Variants in CDK5RAP2 observed in about 807,000 individuals in gnomAD.
The protein encoded by CDK5RAP2 is CDK5 regulatory subunit associated protein 2, also known as CDK5 regulatory subunit-associated protein 2.
A neutral mutation model predicts 232.9 loss-of-function variants in CDK5RAP2; 147 were observed. The ratio of observed to expected loss-of-function variants is 0.63; its 90% CI spans 0.55 to 0.72. CDK5RAP2 has a LOEUF of 0.72. Ranked by LOEUF, CDK5RAP2 falls within the 30% of genes least tolerant of loss-of-function variation. The probability of loss-of-function intolerance (pLI) is 0.00; values close to 1 mark genes in which losing one functional copy is unlikely to be tolerated. For synonymous variants in CDK5RAP2, 833 were observed against 833.7 expected (o/e 1.00, Z 0.01); for missense variants, 2,195 against 2,231.5 (o/e 0.98, Z 0.33).
At chr9:120,397,870 G>C (rs2032654731) in intron 35 of CDK5RAP2, among the ~76,000 whole-genome samples, 1 of 152,222 alleles carries the variant, frequency 6.6e-6, no homozygotes, top group Non-Finnish European at 1.5e-5. Context: ...GGCCTGAGAA[G>C]GTGAATTTTT....
At chr9:120,476,500 A>G (rs1434122175) in intron 15 of CDK5RAP2, among the ~76,000 whole-genome samples, 1 of 152,146 alleles carries the variant, frequency 6.6e-6, no homozygotes, top group Admixed American at 6.5e-5. Context: ...TAACATGGTG[A>G]AACACCATCT....
intron 4 of CDK5RAP2, 59 bp from the exon 5 acceptor site, chr9:120,545,849 C>A: frequency 7.5e-7 from 1 of 1,334,806 alleles, no homozygotes; most frequent in South Asian, 1.2e-5. Flanking sequence ...CTATGAATGT[C>A]AACAATGGGG....
chr9:120,443,604 G>A lies in CDK5RAP2; in HGVS notation c.3148+16C>T, dbSNP rs1394423946. ...ACATGGAAGCTGTTCAATACACACA[G>A]GGGCTGAATTCTGACCAATCTCGTA... On this transcript the variant is annotated intron_variant, in intron 23 of 37. Coordinates refer to ENST00000349780, the MANE Select transcript of CDK5RAP2 (RefSeq NM_018249.6). 5 of 1,613,794 alleles carry A rather than the reference G, an allele frequency of 3.1e-6. No individual in the cohort carries two copies. Among genetic ancestry groups the A allele is most frequent in the Non-Finnish European group, 4.2e-6 (5 of 1,179,860 alleles).
rs1414467945 is a variant in CDK5RAP2, at chr9:120,536,427, T to C, written c.607A>G (p.Lys203Glu). ...GCCAAGTCCCCCTCGTGCATCTTCT[T>C]CATCTCTGAAAGCTTGCTTTCCAAA... Reference protein sequence around the residue: ...LRLESKLSEMKKMHEGDLAMA... With the variant: ...LRLESKLSEMEKMHEGDLAMA... Residue 203 changes from lysine to glutamate, a missense_variant, in exon 7 of 38, where the codon AAG becomes GAG. Physicochemically the swap from Lys to Glu is moderately conservative, Grantham distance 56. Transcript: ENST00000349780. The C allele has an allele frequency of 1.9e-6, 3 of 1,614,092 alleles. No individual in the cohort carries two copies. The highest frequency in any genetic ancestry group is 2.5e-6 in the Non-Finnish European group (3 of 1,180,034).
chr9:120,454,027 A>G (rs1437154923), intron 20 of CDK5RAP2, among the ~76,000 whole-genome samples, 154 bp from the exon 21 acceptor site: 1 of 152,226 alleles, frequency 6.6e-6, no homozygotes, highest in East Asian at 1.9e-4. Context: ...GCCCACATCC[A>G]GTATTTTATC....
In CDK5RAP2 at chr9:120,579,946, G is replaced by A. The variant is rs140734649; in HGVS notation, c.33C>T (p.Thr11=). 3.7e-6 allele frequency: 6 copies of A among 1,613,312 alleles called. No homozygotes were observed. The highest frequency in any genetic ancestry group is 1.7e-5 in the Admixed American group (1 of 60,026). The part of the protein sequence containing the change: MMDLVLEEDV[T]VPGTLSGCSG... ...TGCAGCCGCTGAGCGTCCCAGGGACGGTGACGTCCTCTTCCAACACCAAGT... is the reference window on the plus strand; with the variant it reads ...TGCAGCCGCTGAGCGTCCCAGGGACAGTGACGTCCTCTTCCAACACCAAGT... The change falls in exon 1 of 38, where the codon ACC becomes ACT. Residue 11 remains threonine, a synonymous_variant. Coordinates refer to ENST00000349780, the MANE Select transcript of CDK5RAP2 (RefSeq NM_018249.6).
intron 16 of CDK5RAP2, among the ~76,000 whole-genome samples, chr9:120,470,484 T>A (rs771572663): frequency 1.3e-5 from 2 of 152,336 alleles, no homozygotes; most frequent in Non-Finnish European, 2.9e-5. Context: ...CTGTGAATTA[T>A]AATTTGCATA....
chr9:120,453,893 G>A lies in CDK5RAP2; in HGVS notation c.2376-20C>T. ...TCTGGCCTGTTTTTCCAAAAGGGAAGGAAGTGGGAGAACCAAGCTTTCTGC... is the reference window on the plus strand; with the variant it reads ...TCTGGCCTGTTTTTCCAAAAGGGAAAGAAGTGGGAGAACCAAGCTTTCTGC... On this transcript the variant is annotated intron_variant, in intron 20 of 37. Coordinates refer to ENST00000349780, the MANE Select transcript of CDK5RAP2 (RefSeq NM_018249.6). 1 of 1,613,522 alleles carries A rather than the reference G, an allele frequency of 6.2e-7. No homozygotes were observed. The highest frequency in any genetic ancestry group is 8.5e-7 in the Non-Finnish European group (1 of 1,179,636).
chr9:120,509,948 T>TACAC (rs145999949), intron 12 of CDK5RAP2, among the ~76,000 whole-genome samples: 1,857 of 150,534 alleles, frequency 0.012, 29 homozygotes, highest in African/African-American at 0.043. Context: ...TCACACCTAA[T>TACAC]ACACACACAC....
At chr9:120,476,963 CCTAT>C (rs1361087408) in intron 15 of CDK5RAP2, among the ~76,000 whole-genome samples, 12 of 152,140 alleles carry the variant, frequency 7.9e-5, no homozygotes, top group Non-Finnish European at 1.8e-4. Context: ...AGTCACTTAC[CCTAT>C]CTTAGTTTTC....
At chr9:120,478,543 G>A (rs555598557) in intron 14 of CDK5RAP2, among the ~76,000 whole-genome samples, 10 of 152,144 alleles carry the variant, frequency 6.6e-5, no homozygotes, top group South Asian at 2.1e-4. Flanking sequence ...AGGCCAAGGC[G>A]GGAAAATCAC....
rs773689481 is a variant in CDK5RAP2, at chr9:120,518,446, T to C, written c.1292A>G (p.Lys431Arg). ...DLEEAHREKS[K>R]GDCTIRDLRN... ...ACTCACACGGATGGTGCAGTCTCCT[T>C]TGCTCTTCTCTCGATGGGCTTCCTC... is the stretch of plus-strand genomic sequence containing the variant. Residue 431 changes from lysine (K) to arginine (R), a missense_variant, in exon 12 of 38, where the codon AAA becomes AGA. Physicochemically the swap from Lys to Arg is conservative, Grantham distance 26. Coordinates refer to ENST00000349780, the MANE Select transcript of CDK5RAP2 (RefSeq NM_018249.6). 9 of 1,613,606 alleles carry C rather than the reference T, an allele frequency of 5.6e-6. No homozygotes were observed. Among genetic ancestry groups the C allele is most frequent in the Non-Finnish European group, 5.1e-6 (6 of 1,179,906 alleles).
chr9:120,465,176 A>G (rs947384340), intron 18 of CDK5RAP2, among the ~76,000 whole-genome samples: 3 of 152,206 alleles, frequency 2.0e-5, no homozygotes, highest in African/African-American at 2.4e-5. Context: ...GCAGTGTGCC[A>G]GGACCTGTGC....
chr9:120,535,820 CTG>C (rs748012169), intron 7 of CDK5RAP2, among the ~76,000 whole-genome samples: 25 of 152,240 alleles, frequency 1.6e-4, no homozygotes, highest in Non-Finnish European at 3.2e-4. Flanking sequence ...TTGGTCTACA[CTG>C]TTTTATTTTT....
At chr9:120,549,748 G>A (rs10739567) in intron 4 of CDK5RAP2, among the ~76,000 whole-genome samples, 147,336 of 152,300 alleles carry the variant, frequency 0.97, 71,431 homozygotes, top group East Asian at 1. Context: ...CCATACTCAC[G>A]TATAAACTGC....
intron 7 of CDK5RAP2, among the ~76,000 whole-genome samples, chr9:120,534,932 AC>A (rs2041317587): frequency 6.6e-6 from 1 of 152,178 alleles, no homozygotes; most frequent in Non-Finnish European, 1.5e-5. Flanking sequence ...TGGAATTCTC[AC>A]AGTCTAGTGG....
At chr9:120,518,723 TCGCCGTGGGGG>T in intron 11 of CDK5RAP2, 78 bp from the exon 12 acceptor site, 1 of 1,143,036 alleles carries the variant, frequency 8.7e-7, no homozygotes. Context: ...GGGCTCTTTT[TCGCCGTGGGGG>T]AAAAAAAGAA....
intron 25 of CDK5RAP2, among the ~76,000 whole-genome samples, chr9:120,423,401 A>C: frequency 6.6e-6 from 1 of 152,202 alleles, no homozygotes; most frequent in East Asian, 1.9e-4. Flanking sequence ...TTCTTTAGGA[A>C]GGGTCTCAGA....
chr9:120,535,901 G>A (rs762463766), intron 7 of CDK5RAP2, among the ~76,000 whole-genome samples: 4 of 152,284 alleles, frequency 2.6e-5, no homozygotes, highest in East Asian at 3.9e-4. Context: ...TAAGTCACAC[G>A]AAATTCACTG....
Sources: allele counts gnomAD v4.1 joint callset (sites outside exome capture counted in the v4.1 genomes callset), GRCh38; gene constraint gnomAD v4.1.1; transcripts MANE v1.5; gene names NCBI Gene and HGNC (gene_info 2026-07-23, HGNC 2026-07-21).